The following ST6GALNAC3 variants were observed in gnomAD, a reference collection of about 807,000 sequenced individuals.
ST6GALNAC3 encodes the protein alpha-N-acetylgalactosaminide alpha-2,6-sialyltransferase 3.
In ST6GALNAC3, 25 loss-of-function variants were observed where a neutral mutation model predicts 32.7. The ratio of observed to expected loss-of-function variants is 0.76; its 90% CI spans 0.56 to 1.07. ST6GALNAC3 has a LOEUF of 1.07. ST6GALNAC3 is among the 50% of genes least tolerant of loss of function. ST6GALNAC3 has a pLI of 0.00. For missense variants in ST6GALNAC3, 355 were observed against 382.4 expected, an observed-to-expected ratio of 0.93 and a Z score of 0.60; for synonymous variants, 129 against 133.1, an observed-to-expected ratio of 0.97 and a Z score of 0.21.
chr1:76,281,710 G>A (rs1362246651), intron 1 of ST6GALNAC3, among the ~76,000 whole-genome samples: 2 of 152,206 alleles, frequency 1.3e-5, no homozygotes, highest in African/African-American at 4.8e-5. Context: ...TCATTTTCAA[G>A]TGTTTGGTCC....
At chr1:76,141,666 C>G (rs1650331364) in intron 1 of ST6GALNAC3, among the ~76,000 whole-genome samples, 1 of 152,096 alleles carries the variant, frequency 6.6e-6, no homozygotes, top group African/African-American at 2.4e-5. Flanking sequence ...CTATTTTAAG[C>G]CAAGATTTAT....
chr1:76,424,310 T>C (rs1272196914), intron 3 of ST6GALNAC3, among the ~76,000 whole-genome samples: 1 of 151,908 alleles, frequency 6.6e-6, no homozygotes, highest in Non-Finnish European at 1.5e-5. Context: ...AAGTGAACCA[T>C]TGGCAGTTCT....
At position 76,491,868 on chromosome 1, in the gene ST6GALNAC3, G is replaced by A. The variant is rs185499903; in HGVS notation, c.623+79451G>A. 1.3e-4 allele frequency among the ~76,000 whole-genome samples: 20 copies of A among 152,246 alleles called. No homozygotes were observed. The East Asian group carries it at 3.3e-3, about 25-fold the overall frequency. ...TTTATATCCTCAGTGTGCCTGAATT[G>A]TCTACAAGCCATGTAATTAGTTTTT... On this transcript the variant is annotated intron_variant, in intron 3 of 4. Transcript: ENST00000328299.
At chr1:76,288,641 T>G (rs1344419692) in intron 1 of ST6GALNAC3, among the ~76,000 whole-genome samples, 1 of 152,150 alleles carries the variant, frequency 6.6e-6, no homozygotes, top group African/African-American at 2.4e-5. Context: ...GGTATGGGTC[T>G]CCAAGAAGAG....
At chr1:76,529,016 G>A (rs1471930959) in intron 3 of ST6GALNAC3, among the ~76,000 whole-genome samples, 1 of 151,762 alleles carries the variant, frequency 6.6e-6, no homozygotes, top group African/African-American at 2.4e-5. Context: ...TTTAATTAAT[G>A]GAAATGACCA....
intron 4 of ST6GALNAC3, 85 bp downstream of exon 4, chr1:76,627,644 T>A (rs1649060446): frequency 5.9e-6 from 6 of 1,018,778 alleles, no homozygotes; most frequent in Admixed American, 3.6e-5. Flanking sequence ...ACCATAAATC[T>A]GAGAAACAGA....
At chr1:76,351,806 C>T (rs549005593) in intron 2 of ST6GALNAC3, among the ~76,000 whole-genome samples, 148 of 152,182 alleles carry the variant, frequency 9.7e-4, no homozygotes, top group African/African-American at 3.5e-3. Context: ...ATTATGTGGC[C>T]ACTCTAATGA....
chr1:76,355,957 A>AT (rs949103815), intron 2 of ST6GALNAC3, among the ~76,000 whole-genome samples: 5 of 151,322 alleles, frequency 3.3e-5, no homozygotes, highest in Admixed American at 6.6e-5. Context: ...AAGTTTCTCC[A>AT]TTTTTTTTCA....
At chr1:76,318,482 T>C (rs1270928841) in intron 2 of ST6GALNAC3, among the ~76,000 whole-genome samples, 1 of 152,094 alleles carries the variant, frequency 6.6e-6, no homozygotes, top group East Asian at 1.9e-4. Context: ...AAATTTCTCA[T>C]CAACACGTGT....
In ST6GALNAC3 at chr1:76,511,365, C is replaced by T. The variant is rs12057859; in HGVS notation, c.623+98948C>T. 8.7e-3 allele frequency among the ~76,000 whole-genome samples: 1,320 copies of T among 152,178 alleles called. 14 individuals are homozygous for T. Among genetic ancestry groups the T allele is most frequent in the African/African-American group, 0.026 (1,097 of 41,524 alleles). Reference sequence around the variant, plus strand: ...GTTACAATCCAGAAAGAGTGGATTCCGCCTCCTGGCAGGCAGCTGTGCTGT... The same window carrying T: ...GTTACAATCCAGAAAGAGTGGATTCTGCCTCCTGGCAGGCAGCTGTGCTGT... On this transcript the variant is annotated intron_variant, in intron 3 of 4. Coordinates refer to ENST00000328299, the MANE Select transcript of ST6GALNAC3 (RefSeq NM_152996.4).
chr1:76,246,698 G>T (rs1454909315), intron 1 of ST6GALNAC3, among the ~76,000 whole-genome samples: 1 of 152,132 alleles, frequency 6.6e-6, no homozygotes, highest in African/African-American at 2.4e-5. Context: ...CTAGTTAACA[G>T]TTCCTGTAAC....
At chr1:76,612,966 C>T (rs889565852) in intron 3 of ST6GALNAC3, among the ~76,000 whole-genome samples, 1 of 152,178 alleles carries the variant, frequency 6.6e-6, no homozygotes, top group Non-Finnish European at 1.5e-5. Flanking sequence ...CAGATGTCAC[C>T]GTGGGGCTTT....
intron 3 of ST6GALNAC3, among the ~76,000 whole-genome samples, chr1:76,578,544 A>G (rs894595655): frequency 6.6e-6 from 1 of 152,016 alleles, no homozygotes; most frequent in African/African-American, 2.4e-5. Context: ...AGAATATTTT[A>G]TCTATTCAGT....
rs531747941 is a variant in ST6GALNAC3, at chr1:76,556,677, A to G, written c.624-70775A>G. On this transcript the variant is annotated intron_variant, in intron 3 of 4. Coordinates refer to ENST00000328299, the MANE Select transcript of ST6GALNAC3 (RefSeq NM_152996.4). ...TACTGACTATATATCTTCTTTGGAT[A>G]AATGTTTCTTCAAATCGTTTGACCA... Among the ~76,000 whole-genome samples, 359 of 152,228 alleles carry G rather than the reference A, an allele frequency of 2.4e-3. 2 individuals are homozygous for G. The highest frequency in any genetic ancestry group is 8.2e-3 in the African/African-American group (339 of 41,562).
At chr1:76,582,551 A>G (rs1646906668) in intron 3 of ST6GALNAC3, among the ~76,000 whole-genome samples, 1 of 152,174 alleles carries the variant, frequency 6.6e-6, no homozygotes, top group Non-Finnish European at 1.5e-5. Context: ...GCCACTGTTT[A>G]TAAACCACCA....
At chr1:76,451,477 G>A (rs576983300) in intron 3 of ST6GALNAC3, among the ~76,000 whole-genome samples, 3 of 152,302 alleles carry the variant, frequency 2.0e-5, no homozygotes, top group Non-Finnish European at 4.4e-5. Flanking sequence ...CAGGACACAT[G>A]GGGATTATGG....
chr1:76,482,037 C>T (rs1659755969), intron 3 of ST6GALNAC3, among the ~76,000 whole-genome samples: 1 of 152,054 alleles, frequency 6.6e-6, no homozygotes, highest in Non-Finnish European at 1.5e-5. Flanking sequence ...GATATTCATG[C>T]ACTGAAAAAG....
intron 2 of ST6GALNAC3, among the ~76,000 whole-genome samples, chr1:76,341,694 T>TTTCTTTCTTTCC (rs1648049858): frequency 7.2e-6 from 1 of 138,124 alleles, no homozygotes; most frequent in South Asian, 2.3e-4. Flanking sequence ...TCTTTCTTTC[T>TTTCTTTCTTTCC]TTCTTTCTTT....
intron 1 of ST6GALNAC3, among the ~76,000 whole-genome samples, chr1:76,129,242 TC>T: frequency 6.6e-6 from 1 of 152,218 alleles, no homozygotes; most frequent in African/African-American, 2.4e-5. Flanking sequence ...CAGCATAACT[TC>T]CAAGTTAGAG....
Sources: allele counts gnomAD v4.1 joint callset (sites outside exome capture counted in the v4.1 genomes callset), GRCh38; gene constraint gnomAD v4.1.1; transcripts MANE v1.5; gene names NCBI Gene and HGNC (gene_info 2026-07-23, HGNC 2026-07-21).